Variants in GFPT1 observed in about 807,000 individuals in gnomAD.
GFPT1 encodes glutamine--fructose-6-phosphate transaminase 1.
Under a neutral mutation model 92.0 loss-of-function variants are expected in GFPT1, and 40 were observed. The ratio of observed to expected loss-of-function variants is 0.43; its 90% CI spans 0.34 to 0.57. The LOEUF (loss-of-function observed/expected upper bound fraction) is 0.57, where lower values mean the gene tolerates loss of function less well. Among genes scored for constraint, GFPT1 ranks in the 20% least tolerant of loss-of-function variants. GFPT1 has a pLI of 0.02. For synonymous variants in GFPT1, 269 were observed against 280.6 expected (o/e 0.96, Z 0.41); for missense variants, 448 against 869.1 (o/e 0.52, Z 6.09).
chr2:69,373,573 C>T (rs1258685926), intron 2 of GFPT1, among the ~76,000 whole-genome samples: 2 of 151,964 alleles, frequency 1.3e-5, no homozygotes, highest in African/African-American at 4.8e-5. Flanking sequence ...GAGCTATGAC[C>T]GCACCACTAC....
intron 1 of GFPT1, among the ~76,000 whole-genome samples, chr2:69,379,934 G>T (rs1226274359): frequency 1.3e-5 from 2 of 151,696 alleles, no homozygotes; most frequent in African/African-American, 4.8e-5. Flanking sequence ...GCCCAGGCTG[G>T]TCTCGAACTC....
chr2:69,376,265 T>C (rs763202057), intron 1 of GFPT1, among the ~76,000 whole-genome samples: 3 of 152,126 alleles, frequency 2.0e-5, no homozygotes, highest in African/African-American at 4.8e-5. Flanking sequence ...AATCCCAACT[T>C]TGGGAAGCTA....
chr2:69,359,194 C>G, intron 5 of GFPT1, 74 bp downstream of exon 5: 1 of 816,630 alleles, frequency 1.2e-6, no homozygotes, highest in Non-Finnish European at 2.2e-6. Context: ...TGTTGCACAT[C>G]CCAACAACCG....
intron 1 of GFPT1, among the ~76,000 whole-genome samples, chr2:69,384,693 CAAAAAAAA>C (rs71964630): frequency 9.4e-6 from 1 of 106,628 alleles, no homozygotes; most frequent in African/African-American, 3.3e-5. Context: ...GGCCCCGTCA[CAAAAAAAA>C]AAAAAAAAAA....
At position 69,337,997 on chromosome 2, in the gene GFPT1, A is replaced by G. The variant is rs1022079605; in HGVS notation, c.1383T>C (p.Thr461=). ...LRYCKERGAL[T]VGITNTVGSS... ...TGCCAACTGTGTTTGTGATCCCCAC[A>G]GTTAAAGCTCCTCTCTCCTTACAGT... Residue 461 remains threonine, a synonymous_variant, in exon 15 of 20, where the codon ACT becomes ACC. Transcript: ENST00000357308. The G allele has an allele frequency of 1.2e-6, 2 of 1,614,012 alleles. No individual in the cohort carries two copies. The highest frequency in any genetic ancestry group is 1.7e-5 in the Admixed American group (1 of 60,034).
At chr2:69,362,524 A>G (rs1385713525) in intron 4 of GFPT1, among the ~76,000 whole-genome samples, 1 of 152,164 alleles carries the variant, frequency 6.6e-6, no homozygotes, top group Non-Finnish European at 1.5e-5. Flanking sequence ...TAGGACAGGT[A>G]CAGTGGCTCA....
chr2:69,363,108 T>C (rs72905196), intron 4 of GFPT1, among the ~76,000 whole-genome samples: 8,051 of 152,028 alleles, frequency 0.053, 629 homozygotes, highest in African/African-American at 0.18. Flanking sequence ...TAGCCAGGCA[T>C]GGTGGACAGA....
chr2:69,380,615 G>A (rs568647373), intron 1 of GFPT1, among the ~76,000 whole-genome samples: 147 of 152,218 alleles, frequency 9.7e-4, no homozygotes, highest in Middle Eastern at 3.4e-3. Context: ...AAAAAAGCAT[G>A]TACTTCCTGC....
At chr2:69,335,017 T>C (rs1385713303) in intron 15 of GFPT1, among the ~76,000 whole-genome samples, 1 of 152,128 alleles carries the variant, frequency 6.6e-6, no homozygotes, top group Admixed American at 6.6e-5. Flanking sequence ...ATTTTTATTT[T>C]TTTTTTTAAG....
intron 19 of GFPT1, among the ~76,000 whole-genome samples, 186 bp from the exon 20 acceptor site, chr2:69,326,419 AC>A (rs781717489): frequency 3.3e-5 from 5 of 152,230 alleles, no homozygotes; most frequent in African/African-American, 4.8e-5. Context: ...CCTGAAAAAA[AC>A]TGAAATTGGT....
At chr2:69,349,637 T>TA (rs1432001441) in intron 10 of GFPT1, among the ~76,000 whole-genome samples, 1 of 152,208 alleles carries the variant, frequency 6.6e-6, no homozygotes, top group Non-Finnish European at 1.5e-5. Context: ...TATCCCTTTA[T>TA]AAAAATGATT....
chr2:69,326,882 T>C lies in GFPT1; in HGVS notation c.2055+32A>G, dbSNP rs1022768869. ...CAGAATGTATCCAGGTAAAAAACCA[T>C]CCCAAGATTTCTGCAGTGGTAGATG... On this transcript the variant is annotated intron_variant, in intron 19 of 19. Coordinates refer to ENST00000357308, the MANE Select transcript of GFPT1 (RefSeq NM_001244710.2). 3.1e-6 allele frequency: 5 copies of C among 1,609,478 alleles called. No homozygotes were observed. The African/African-American group carries it at 5.3e-5, about 17-fold the overall frequency.
intron 4 of GFPT1, among the ~76,000 whole-genome samples, chr2:69,362,836 A>G (rs1012490217): frequency 6.6e-6 from 1 of 152,160 alleles, no homozygotes; most frequent in Non-Finnish European, 1.5e-5. Context: ...TTTCTAAAAC[A>G]TATTAAAGTA....
intron 6 of GFPT1, among the ~76,000 whole-genome samples, chr2:69,357,495 C>T (rs1451669852): frequency 1.3e-5 from 2 of 152,082 alleles, no homozygotes; most frequent in South Asian, 2.1e-4. Flanking sequence ...CTGTTAGAAA[C>T]GAGAAAAGGC....
At chr2:69,359,991 G>A (rs1245745284) in intron 4 of GFPT1, among the ~76,000 whole-genome samples, 1 of 152,078 alleles carries the variant, frequency 6.6e-6, no homozygotes, top group African/African-American at 2.4e-5. Context: ...AGATAATCAA[G>A]AGTTGACAAT....
At position 69,363,569 on chromosome 2, in the gene GFPT1, G is replaced by T; in HGVS notation, c.325C>A (p.Pro109Thr). Reference sequence around the variant, plus strand: ...CCATTATTTTTATCAGAGCGCTGGGGGTGGCTATTGACAGGACTGGGTTCT... The same window carrying T: ...CCATTATTTTTATCAGAGCGCTGGGTGTGGCTATTGACAGGACTGGGTTCT... ...HGEPSPVNSHPQRSDKNNEFI... is the reference protein window; with the variant it reads ...HGEPSPVNSHTQRSDKNNEFI... Residue 109 changes from proline (P) to threonine (T), a missense_variant, in exon 4 of 20, where the codon CCC becomes ACC. This residue lies in a region of GFPT1 where 118 missense variants were observed against 192.9 expected (regional missense o/e 0.61). Coordinates refer to ENST00000357308, the MANE Select transcript of GFPT1 (RefSeq NM_001244710.2). The T allele has an allele frequency of 6.2e-7, 1 of 1,614,006 alleles. No homozygotes were observed. Among genetic ancestry groups the T allele is most frequent in the Non-Finnish European group, 8.5e-7 (1 of 1,179,896 alleles).
intron 2 of GFPT1, 87 bp downstream of exon 2, chr2:69,373,919 A>C (rs772196255): frequency 2.8e-6 from 2 of 704,736 alleles, no homozygotes; most frequent in Non-Finnish European, 5.1e-6. Flanking sequence ...AACAAAACAG[A>C]CTTTAATAGT....
chr2:69,384,250 A>T (rs181231198), intron 1 of GFPT1, among the ~76,000 whole-genome samples: 5 of 152,282 alleles, frequency 3.3e-5, no homozygotes, highest in Admixed American at 2.6e-4. Flanking sequence ...TTGCTTCCCA[A>T]ATTTACTGGA....
chr2:69,329,917 T>A, intron 15 of GFPT1, 119 bp from the exon 16 acceptor site: 1 of 724,964 alleles, frequency 1.4e-6, no homozygotes, highest in Non-Finnish European at 2.5e-6. Flanking sequence ...ATATTCTCTA[T>A]CTCTTAAAAC....
Sources: gnomAD v4.1 joint callset for allele counts (sites outside exome capture counted in the v4.1 genomes callset) on GRCh38, gnomAD v4.1.1 for gene constraint, gnomAD v4.1.1 regional missense constraint, MANE v1.5 for transcripts, NCBI Gene and HGNC (gene_info 2026-07-23, HGNC 2026-07-21) for gene names.